The following TRIM66 variants were observed in gnomAD, a reference collection of about 807,000 sequenced individuals.
TRIM66 encodes tripartite motif-containing protein 66.
In TRIM66, 99 loss-of-function variants were observed where a neutral mutation model predicts 148.2. The ratio of observed to expected loss-of-function variants is 0.67; its 90% CI spans 0.57 to 0.79. TRIM66 has a LOEUF of 0.79. Among genes scored for constraint, TRIM66 ranks in the 30% least tolerant of loss-of-function variants. TRIM66 has a pLI of 0.00. For missense variants in TRIM66, 1,666 were observed against 1,697.9 expected, an observed-to-expected ratio of 0.98 and a Z score of 0.33; for synonymous variants, 616 against 635.9, an observed-to-expected ratio of 0.97 and a Z score of 0.47.
chr11:8,651,645 T>C (rs2037367744), intron 7 of TRIM66, among the ~76,000 whole-genome samples, 155 bp downstream of exon 7: 2 of 152,220 alleles, frequency 1.3e-5, no homozygotes. Flanking sequence ...TCATGCATTT[T>C]TATTTTCTTC....
Position 8,621,018 on chromosome 11 carries a change from C to T in TRIM66, c.3545+14G>A, listed in dbSNP as rs191734536. On this transcript the variant is annotated intron_variant, in intron 20 of 24. Transcript: ENST00000646038. ...CTACTAGCCAGGTGATGGTCCTGGACTGGCATGACTCACCCTGGGAAGCTG... is the reference window on the plus strand; with the variant it reads ...CTACTAGCCAGGTGATGGTCCTGGATTGGCATGACTCACCCTGGGAAGCTG... 5.7e-5 allele frequency: 88 copies of T among 1,549,418 alleles called. No homozygotes were observed. In the African/African-American group the frequency reaches 1.2e-3, roughly 21 times the overall value.
intron 6 of TRIM66, among the ~76,000 whole-genome samples, chr11:8,671,408 T>C (rs78022088): frequency 0.02 from 3,042 of 152,246 alleles, 116 homozygotes; most frequent in African/African-American, 0.07. Flanking sequence ...GTCAGTGTGA[T>C]TCTATTCAAA....
intron 13 of TRIM66, among the ~76,000 whole-genome samples, chr11:8,642,566 G>C (rs1394590000): frequency 6.6e-6 from 1 of 152,120 alleles, no homozygotes; most frequent in East Asian, 1.9e-4. Context: ...GGATATGTCT[G>C]TGTGACACAA....
At chr11:8,637,095 T>G (rs1033398527) in intron 15 of TRIM66, among the ~76,000 whole-genome samples, 1 of 152,170 alleles carries the variant, frequency 6.6e-6, no homozygotes, top group African/African-American at 2.4e-5. Context: ...CCCTAAGAAG[T>G]CTTCTGTCAA....
rs867886756 is a variant in TRIM66, at chr11:8,640,904, T to C, written c.1471A>G (p.Ser491Gly). ...ACCATCTCAGGGGGCTGCCTGAAGCTGTGGGCTGGGTGTATGCTGGGTGGG... is the reference window on the plus strand; with the variant it reads ...ACCATCTCAGGGGGCTGCCTGAAGCCGTGGGCTGGGTGTATGCTGGGTGGG... The part of the protein sequence containing the change: ...VPPPSIHPAH[S>G]FRQPPEMVPQ... The change falls in exon 14 of 25, where the codon AGC becomes GGC. Residue 491 changes from serine to glycine, a missense_variant. Ser to Gly is a moderately conservative substitution (Grantham distance 56). Transcript: ENST00000646038. The C allele has an allele frequency of 3.9e-6, 6 of 1,549,924 alleles. No individual in the cohort carries two copies. The African/African-American group carries it at 6.9e-5, about 18-fold the overall frequency.
At chr11:8,618,642 C>G (rs2033901430) in intron 24 of TRIM66, 108 bp downstream of exon 24, 7 of 1,065,554 alleles carry the variant, frequency 6.6e-6, no homozygotes, top group African/African-American at 1.6e-5. Flanking sequence ...TCGTTGTCAC[C>G]ACCATCTTTT....
intron 17 of TRIM66, 78 bp from the exon 18 acceptor site, chr11:8,622,954 TCTG>T: frequency 8.0e-7 from 1 of 1,252,068 alleles, no homozygotes; most frequent in East Asian, 2.5e-5. Context: ...TCTACTTATA[TCTG>T]CTATTCATAC....
At chr11:8,655,176 G>C (rs770904924) in intron 6 of TRIM66, among the ~76,000 whole-genome samples, 12 of 152,206 alleles carry the variant, frequency 7.9e-5, no homozygotes, top group Middle Eastern at 3.4e-3. Flanking sequence ...TGCATTTTTC[G>C]GGAGTTTGTG....
At chr11:8,623,431 C>T (rs2141866021) in intron 17 of TRIM66, among the ~76,000 whole-genome samples, 1 of 152,286 alleles carries the variant, frequency 6.6e-6, no homozygotes, top group South Asian at 2.1e-4. Flanking sequence ...TGTACATGCG[C>T]AAGCAGGGTC....
chr11:8,667,677 T>C (rs1441713781), intron 6 of TRIM66, among the ~76,000 whole-genome samples: 5 of 152,270 alleles, frequency 3.3e-5, no homozygotes, highest in Non-Finnish European at 7.3e-5. Flanking sequence ...TGCCCTGTTA[T>C]GACAGGCTTA....
In TRIM66 at chr11:8,670,018, T is replaced by TA. The variant is rs377438401; in HGVS notation, c.340+1767_340+1768insT. Among the ~76,000 whole-genome samples the TA allele has an allele frequency of 3.2e-3, 348 of 108,482 alleles. 3 individuals are homozygous for TA. Among genetic ancestry groups the TA allele is most frequent in the African/African-American group, 0.012 (334 of 27,290 alleles). The allele number at this position is 108,482 out of a possible 152,430, so 71.2% of individuals were successfully genotyped here. A position where few individuals can be genotyped will look rare whatever the true frequency, so the allele number is the denominator to read the frequency against. On this transcript the variant is annotated intron_variant, in intron 6 of 24. Transcript: ENST00000646038. The stretch of plus-strand genomic sequence containing the variant: ...TTTTGTCTTGTTTTGTTTTTATTTA[T>TA]TTTTTTTTTTTTGAGACAGAGTCTC...
chr11:8,645,289 C>T (rs1467878265), intron 12 of TRIM66, among the ~76,000 whole-genome samples: 1 of 152,218 alleles, frequency 6.6e-6, no homozygotes. Context: ...ATCGACTTCT[C>T]TCAAAATTCT....
At chr11:8,666,164 C>T (rs552709490) in intron 6 of TRIM66, among the ~76,000 whole-genome samples, 1 of 150,990 alleles carries the variant, frequency 6.6e-6, no homozygotes, top group East Asian at 2.0e-4. Context: ...TGGCGAAACC[C>T]CATCTCTACT....
Position 8,621,024 on chromosome 11 carries a change from T to C in TRIM66, c.3545+8A>G, listed in dbSNP as rs1388855667. On this transcript the variant is annotated splice_region_variant and intron_variant, in intron 20 of 24. Transcript: ENST00000646038. Reference sequence around the variant, plus strand: ...GCCAGGTGATGGTCCTGGACTGGCATGACTCACCCTGGGAAGCTGAGCAAG... The same window carrying C: ...GCCAGGTGATGGTCCTGGACTGGCACGACTCACCCTGGGAAGCTGAGCAAG... 3 of 1,550,552 alleles carry C rather than the reference T, an allele frequency of 1.9e-6. No homozygotes were observed. Among genetic ancestry groups the C allele is most frequent in the African/African-American group, 2.7e-5 (2 of 73,158 alleles).
At chr11:8,618,084 G>A in intron 24 of TRIM66, 81 bp from the exon 25 acceptor site, 1 of 1,329,916 alleles carries the variant, frequency 7.5e-7, no homozygotes, top group South Asian at 1.3e-5. Context: ...CAAGATTGCA[G>A]TTCTGCCAAG....
At chr11:8,632,518 C>T (rs1302511526) in intron 15 of TRIM66, among the ~76,000 whole-genome samples, 4 of 139,144 alleles carry the variant, frequency 2.9e-5, no homozygotes, top group African/African-American at 8.1e-5. Context: ...TGCAGTCAGA[C>T]GATCTCAGCT....
intron 6 of TRIM66, among the ~76,000 whole-genome samples, chr11:8,652,214 C>T (rs992805998): frequency 2.6e-5 from 4 of 152,032 alleles, no homozygotes; most frequent in Non-Finnish European, 4.4e-5. Flanking sequence ...CAATCAGGTG[C>T]CTTCTTGCTG....
rs2034658187 is a variant in TRIM66, at chr11:8,624,872, G to C, written c.2667C>G (p.Thr889=). ...QAGPSLMSGH[T]QAVPSLATCP... Reference sequence around the variant, plus strand: ...AAGTTGCCAGACTCGGCACAGCCTGGGTGTGACCAGACATTAGGCTGGGCC... The same window carrying C: ...AAGTTGCCAGACTCGGCACAGCCTGCGTGTGACCAGACATTAGGCTGGGCC... Residue 889 remains threonine (T), a synonymous_variant, in exon 16 of 25, where the codon ACC becomes ACG. Transcript: ENST00000646038. The C allele has an allele frequency of 1.3e-6, 2 of 1,551,584 alleles. No homozygotes were observed. The highest frequency in any genetic ancestry group is 2.0e-5 in the Admixed American group (1 of 50,984).
chr11:8,633,591 G>A (rs1324480460), intron 15 of TRIM66, among the ~76,000 whole-genome samples: 2 of 152,136 alleles, frequency 1.3e-5, no homozygotes, highest in African/African-American at 4.8e-5. Flanking sequence ...TGACCAGGAC[G>A]CAGGCTGTGC....
Sources: gnomAD v4.1 joint callset for allele counts (sites outside exome capture counted in the v4.1 genomes callset) on GRCh38, gnomAD v4.1.1 for gene constraint, MANE v1.5 for transcripts, NCBI Gene and HGNC (gene_info 2026-07-23, HGNC 2026-07-21) for gene names.